The following LRRC9 variants were observed in gnomAD, a reference collection of about 807,000 sequenced individuals.
LRRC9 encodes the protein leucine-rich repeat-containing protein 9.
In LRRC9, 122 loss-of-function variants were observed where a neutral mutation model predicts 63.2. The observed-to-expected ratio is 1.93, with a 90% confidence interval of 1.67 to 2.24. The LOEUF (loss-of-function observed/expected upper bound fraction) is 2.24. Among genes scored for constraint, LRRC9 ranks in the 30% most tolerant of loss-of-function variants. The pLI, the probability that LRRC9 is intolerant of heterozygous loss-of-function variation, is 0.00. For synonymous variants in LRRC9, 366 were observed against 213.1 expected (o/e 1.72, Z -6.25); for missense variants, 1,071 against 627.7 (o/e 1.71, Z -7.55).
At chr14:59,933,686 T>G (rs1277908315) in intron 6 of LRRC9, among the ~76,000 whole-genome samples, 1 of 152,144 alleles carries the variant, frequency 6.6e-6, no homozygotes, top group Non-Finnish European at 1.5e-5. Context: ...ATTGTATTAG[T>G]CAAATTCAAG....
chr14:59,943,900 T>G (rs1002021257), intron 7 of LRRC9, among the ~76,000 whole-genome samples: 1 of 152,032 alleles, frequency 6.6e-6, no homozygotes, highest in African/African-American at 2.4e-5. Context: ...CAAAACCATG[T>G]CAGATTTTTT....
chr14:59,938,194 G>T lies in LRRC9; in HGVS notation c.544-196G>T, dbSNP rs534413441. On this transcript the variant is annotated intron_variant, in intron 6 of 31. Coordinates refer to ENST00000445360, the Ensembl canonical transcript of LRRC9. This position sits in a 1 kb window ranked among gnomAD's most constrained non-coding sequence, Gnocchi z 4.2. ...AAAAGGCATAGTGGTGTAGCATGTT[G>T]TTTAATTATTGTTGATATTTTCTTC... Among the ~76,000 whole-genome samples, 255 of 152,238 alleles carry T rather than the reference G, an allele frequency of 1.7e-3. 2 individuals are homozygous for T. The highest frequency in any genetic ancestry group is 3.8e-3 in the Admixed American group (58 of 15,266).
intron 4 of LRRC9, among the ~76,000 whole-genome samples, 155 bp from the exon 5 acceptor site, chr14:59,931,464 T>A (rs1309389786): frequency 5.9e-5 from 9 of 152,192 alleles, no homozygotes; most frequent in Middle Eastern, 6.8e-3. Flanking sequence ...AGAACAAAGG[T>A]GGCTTCTTGG....
At position 59,962,800 on chromosome 14, in the gene LRRC9, A is replaced by T. The variant is rs759955179; in HGVS notation, c.1211+1755A>T. Among the ~76,000 whole-genome samples, 1 of 152,100 alleles carries T rather than the reference A, an allele frequency of 6.6e-6. No homozygotes were observed. The highest frequency in any genetic ancestry group is 2.4e-5 in the African/African-American group (1 of 41,418). Reference sequence around the variant, plus strand: ...TTAGTGAAAAAAAAAAAAATGTAAAAGCAAAATGACCAAAAAGCCATTTAG... The same window carrying T: ...TTAGTGAAAAAAAAAAAAATGTAAATGCAAAATGACCAAAAAGCCATTTAG... On this transcript the variant is annotated intron_variant, in intron 10 of 31. Coordinates refer to ENST00000445360, the Ensembl canonical transcript of LRRC9. This position sits in a 1 kb window ranked among gnomAD's most constrained non-coding sequence, Gnocchi z 5.1.
At chr14:60,020,434 C>A (rs1234906167) in intron 26 of LRRC9, among the ~76,000 whole-genome samples, 3 of 151,752 alleles carry the variant, frequency 2.0e-5, no homozygotes, top group African/African-American at 7.3e-5. Context: ...TATATACATA[C>A]TTTTTTGGAT....
Position 59,965,469 on chromosome 14 carries a change from T to C in LRRC9, c.1212-1120T>C, listed in dbSNP as rs75499587. Among the ~76,000 whole-genome samples the C allele has an allele frequency of 2.8e-3, 433 of 152,252 alleles. 11 individuals carry two copies. In the East Asian group the frequency reaches 0.064, roughly 22 times the overall value. On this transcript the variant is annotated intron_variant, in intron 10 of 31. Transcript: ENST00000445360. Reference sequence around the variant, plus strand: ...CACATCCGTATTCATTGTCAGGAAGTTATTTCAGTAGTCCAATGAGAGATC... The same window carrying C: ...CACATCCGTATTCATTGTCAGGAAGCTATTTCAGTAGTCCAATGAGAGATC...
At chr14:59,960,968 A>T in exon 10 of LRRC9, 1 of 696,640 alleles carries the variant, frequency 1.4e-6, no homozygotes, top group Non-Finnish European at 2.6e-6. Flanking sequence ...GTCATGGCTT[A>T]TTGATCCCAC....
chr14:59,930,641 AATATG>A lies in LRRC9; in HGVS notation c.268-271_268-267del, dbSNP rs1889623734. 6.6e-6 allele frequency among the ~76,000 whole-genome samples: 1 copy of A among 151,916 alleles called. No individual in the cohort carries two copies. The highest frequency in any genetic ancestry group is 2.4e-5 in the African/African-American group (1 of 41,528). On this transcript the variant is annotated intron_variant, in intron 3 of 31. Coordinates refer to ENST00000445360, the Ensembl canonical transcript of LRRC9. This position sits in a 1 kb window ranked among gnomAD's most constrained non-coding sequence, Gnocchi z 4.9. ...ATGATTATAATCATAACCATATAGA[AATATG>A]ATATGTGATATATATGATTACAATT...
intron 29 of LRRC9, among the ~76,000 whole-genome samples, chr14:60,052,664 G>C (rs1893979976): frequency 6.6e-6 from 1 of 152,208 alleles, no homozygotes; most frequent in Non-Finnish European, 1.5e-5. Flanking sequence ...AATTTTTAGA[G>C]TAGGTTGATA....
chr14:59,980,063 G>GT (rs1305027728), intron 15 of LRRC9, among the ~76,000 whole-genome samples: 1 of 151,948 alleles, frequency 6.6e-6, no homozygotes, highest in African/African-American at 2.4e-5. Context: ...ATCTTATCCT[G>GT]TATGGATTCT....
Position 59,974,710 on chromosome 14 carries a change from T to C in LRRC9, c.1639+2T>C. On this transcript the variant is annotated splice_donor_variant, in intron 13 of 31. Transcript: ENST00000445360. LOFTEE classifies it high-confidence loss of function. The stretch of plus-strand genomic sequence containing the variant: ...TTAAGCATGAGCTCTTCAGACATGG[T>C]AAATACAAATATGCCATGTTTCTGA... 1.6e-6 allele frequency: 1 copy of C among 638,936 alleles called. No individual in the cohort carries two copies. Among genetic ancestry groups the C allele is most frequent in the Non-Finnish European group, 2.8e-6 (1 of 358,788 alleles). The allele number at this position is 638,936 out of a possible 1,614,324, so 39.6% of individuals were successfully genotyped here.
intron 6 of LRRC9, among the ~76,000 whole-genome samples, chr14:59,933,048 C>A (rs1889837054): frequency 6.6e-6 from 1 of 152,182 alleles, no homozygotes; most frequent in Non-Finnish European, 1.5e-5. Context: ...TCTGAATACA[C>A]CTAGCACACA....
At chr14:59,951,772 G>A (rs927536306) in intron 8 of LRRC9, among the ~76,000 whole-genome samples, 9 of 152,084 alleles carry the variant, frequency 5.9e-5, no homozygotes, top group African/African-American at 9.7e-5. Flanking sequence ...AGGTGTCAGT[G>A]TGCCCCTGCT....
chr14:59,954,486 C>T (rs1883517592), intron 8 of LRRC9, among the ~76,000 whole-genome samples: 1 of 152,072 alleles, frequency 6.6e-6, no homozygotes, highest in African/African-American at 2.4e-5. Flanking sequence ...TATAGGAATG[C>T]TTGTGATTTT....
chr14:59,955,259 A>G (rs1883613989), intron 8 of LRRC9, among the ~76,000 whole-genome samples: 1 of 152,232 alleles, frequency 6.6e-6, no homozygotes, highest in Non-Finnish European at 1.5e-5. Context: ...TGTGGCTGTC[A>G]ATCCATCAGG....
At chr14:60,039,445 T>G (rs1892743604) in intron 29 of LRRC9, among the ~76,000 whole-genome samples, 1 of 152,056 alleles carries the variant, frequency 6.6e-6, no homozygotes, top group Non-Finnish European at 1.5e-5. Context: ...TTCAGACCCT[T>G]TTATTGGTCT....
chr14:59,977,315 A>T (rs913795023), exon 14 of LRRC9: 9 of 698,970 alleles, frequency 1.3e-5, no homozygotes, highest in Non-Finnish European at 1.6e-5. Context: ...CCAATGGTTA[A>T]TTCAGTGTTC....
rs1012038294 is a variant in LRRC9, at chr14:59,958,172, T to G, written c.883-1646T>G. Among the ~76,000 whole-genome samples, 1 of 152,204 alleles carries G rather than the reference T, an allele frequency of 6.6e-6. No individual in the cohort carries two copies. The highest frequency in any genetic ancestry group is 1.5e-5 in the Non-Finnish European group (1 of 68,036). ...TGGTGCACTGTGCTGGGCGAATCCC[T>G]CTTGTCAGGATTAGCTGCTCTCTTC... is the stretch of plus-strand genomic sequence containing the variant. On this transcript the variant is annotated intron_variant, in intron 8 of 31. Coordinates refer to ENST00000445360, the Ensembl canonical transcript of LRRC9. This position sits in a 1 kb window ranked among gnomAD's most constrained non-coding sequence, Gnocchi z 4.0.
chr14:59,926,683 C>A (rs1889235375), intron 1 of LRRC9, among the ~76,000 whole-genome samples: 1 of 152,132 alleles, frequency 6.6e-6, no homozygotes, highest in African/African-American at 2.4e-5. Context: ...TAAAATCTTA[C>A]ATGAATTGAG....
Sources: gnomAD v4.1 joint callset for allele counts (sites outside exome capture counted in the v4.1 genomes callset) on GRCh38, gnomAD v4.1.1 for gene constraint, Gnocchi (gnomAD v3.1) non-coding constraint, MANE v1.5 for transcripts, NCBI Gene and HGNC (gene_info 2026-07-23, HGNC 2026-07-21) for gene names.